Variants in ADARB2 observed in about 807,000 individuals in gnomAD.
ADARB2 encodes the protein inactive double-stranded RNA-specific editase B2.
In ADARB2, 25 loss-of-function variants were observed where a neutral mutation model predicts 62.2. The observed-to-expected ratio is 0.40, with a 90% CI of 0.29 to 0.56. The LOEUF is 0.56. Among genes scored for constraint, ADARB2 ranks in the 20% least tolerant of loss-of-function variants. ADARB2 has a pLI of 0.43. For synonymous variants in ADARB2, 572 were observed against 500.8 expected (o/e 1.14, Z -1.90); for missense variants, 1,071 against 1,077.4 (o/e 0.99, Z 0.08).
At chr10:1,722,546 C>T (rs1835105834) in intron 1 of ADARB2, among the ~76,000 whole-genome samples, 1 of 152,212 alleles carries the variant, frequency 6.6e-6, no homozygotes, top group South Asian at 2.1e-4. Context: ...ACCTGATAAG[C>T]ACACTTTGTA....
intron 1 of ADARB2, among the ~76,000 whole-genome samples, chr10:1,566,031 G>A (rs1281135643): frequency 7.6e-6 from 1 of 131,068 alleles, no homozygotes; most frequent in Non-Finnish European, 1.6e-5. Flanking sequence ...TTTTCTCATC[G>A]TTACTTCTCC....
chr10:1,678,287 C>T, intron 1 of ADARB2: 2 of 985,228 alleles, frequency 2.0e-6, no homozygotes, highest in Non-Finnish European at 2.4e-6. Flanking sequence ...GGGTGAGCGT[C>T]CTCGGGGTGA....
intron 1 of ADARB2, among the ~76,000 whole-genome samples, chr10:1,592,028 G>T (rs1202707027): frequency 6.6e-6 from 1 of 152,192 alleles, no homozygotes; most frequent in Non-Finnish European, 1.5e-5. Flanking sequence ...CTGGTACATG[G>T]GCTTTTTACA....
chr10:1,582,317 C>G (rs894048685), intron 1 of ADARB2, among the ~76,000 whole-genome samples: 5 of 152,158 alleles, frequency 3.3e-5, no homozygotes, highest in Non-Finnish European at 7.4e-5. Flanking sequence ...CATGCTCAGT[C>G]TCAGGGCCCC....
chr10:1,378,785 A>G (rs1376970654), intron 2 of ADARB2, among the ~76,000 whole-genome samples: 1 of 152,164 alleles, frequency 6.6e-6, no homozygotes, highest in Non-Finnish European at 1.5e-5. Flanking sequence ...CCAGGTAAGG[A>G]TAGGACCTCA....
In ADARB2 at chr10:1,363,546, T is replaced by C. The variant is rs755935666; in HGVS notation, c.559A>G (p.Arg187Gly). 8.3e-6 allele frequency: 13 copies of C among 1,563,706 alleles called. No homozygotes were observed. The highest frequency in any genetic ancestry group is 1.4e-5 in the African/African-American group (1 of 71,118). ...AKMRAAELAL[R>G]SFVQFPNACQ... ...GCGTTGGGGAACTGCACGAAGGACC[T>C]GAGTGCCAGCTCCGCCGCGCGCATC... The change falls in exon 3 of 10, where the codon AGG becomes GGG. Residue 187 changes from arginine to glycine, a missense_variant. Physicochemically the swap from Arg to Gly is moderately radical, Grantham distance 125 (BLOSUM62 -2). Transcript: ENST00000381312.
intron 5 of ADARB2, among the ~76,000 whole-genome samples, chr10:1,241,445 G>A (rs1215035438): frequency 1.3e-5 from 2 of 152,236 alleles, no homozygotes; most frequent in East Asian, 3.8e-4. Context: ...TTCAAGGGAT[G>A]TGAAAGAGTA....
chr10:1,364,359 C>A (rs1176787069), intron 2 of ADARB2, among the ~76,000 whole-genome samples: 1 of 152,200 alleles, frequency 6.6e-6, no homozygotes, highest in Non-Finnish European at 1.5e-5. Context: ...GGTCCGGCCC[C>A]CAAACTCTAC....
At chr10:1,700,615 G>T (rs1217791306) in intron 1 of ADARB2, among the ~76,000 whole-genome samples, 8 of 8,218 alleles carry the variant, frequency 9.7e-4, no homozygotes, top group African/African-American at 1.1e-3. Context: ...TCCACCGGGA[G>T]ACCAGACGCT....
intron 1 of ADARB2, among the ~76,000 whole-genome samples, chr10:1,617,872 C>T (rs892984945): frequency 2.0e-5 from 3 of 152,368 alleles, no homozygotes; most frequent in Middle Eastern, 3.4e-3. Context: ...GGTTAGTTTT[C>T]CTTCCAGTCT....
chr10:1,205,039 G>T (rs1837033914), intron 7 of ADARB2, among the ~76,000 whole-genome samples: 1 of 152,120 alleles, frequency 6.6e-6, no homozygotes, highest in African/African-American at 2.4e-5. Context: ...TGCCACCTGG[G>T]ACTGGGTCCC....
intron 1 of ADARB2, among the ~76,000 whole-genome samples, chr10:1,469,171 T>C (rs1468977268): frequency 6.7e-6 from 1 of 149,860 alleles, no homozygotes; most frequent in East Asian, 2.1e-4. Context: ...GATGGGAACG[T>C]TGGACTGGGT....
chr10:1,510,156 C>CTTTCTTTCTTTCTTTCTTTCTT (rs1588282717), intron 1 of ADARB2, among the ~76,000 whole-genome samples: 4 of 109,164 alleles, frequency 3.7e-5, no homozygotes, highest in South Asian at 2.9e-4. Flanking sequence ...TTCTTTCTTT[C>CTTTCTTTCTTTCTTTCTTTCTT]TTTCTTTCTT....
At chr10:1,420,934 G>A (rs781276639) in intron 1 of ADARB2, among the ~76,000 whole-genome samples, 1 of 152,076 alleles carries the variant, frequency 6.6e-6, no homozygotes, top group Non-Finnish European at 1.5e-5. Flanking sequence ...CAATGAAAGC[G>A]AAATGTTCCT....
At chr10:1,388,721 AC>A (rs1424474620) in intron 1 of ADARB2, among the ~76,000 whole-genome samples, 17 of 152,188 alleles carry the variant, frequency 1.1e-4, no homozygotes, top group Non-Finnish European at 2.4e-4. Context: ...GTTTAAAAAG[AC>A]CTCAATAAAT....
chr10:1,591,655 G>GCATGCACA (rs1554774077), intron 1 of ADARB2, among the ~76,000 whole-genome samples: 5 of 86,920 alleles, frequency 5.8e-5, no homozygotes, highest in African/African-American at 7.1e-5. Flanking sequence ...ACAGAGGCGT[G>GCATGCACA]CACGCACACA....
intron 8 of ADARB2, 59 bp downstream of exon 8, chr10:1,199,907 C>T (rs1229657957): frequency 7.6e-6 from 11 of 1,443,254 alleles, no homozygotes; most frequent in African/African-American, 2.8e-5. Flanking sequence ...GCCGGGCACA[C>T]CTGTGTCTGG....
chr10:1,558,370 C>T (rs112618454), intron 1 of ADARB2, among the ~76,000 whole-genome samples: 1,651 of 126,150 alleles, frequency 0.013, 36 homozygotes, highest in African/African-American at 0.047. Flanking sequence ...GCTCAGCCCC[C>T]GCATGCTCCA....
rs369355567 is a variant in ADARB2, at chr10:1,712,811, G to A, written c.100+24240C>T. 4.0e-5 allele frequency among the ~76,000 whole-genome samples: 6 copies of A among 151,888 alleles called. No individual in the cohort carries two copies. The East Asian group carries it at 9.7e-4, about 25-fold the overall frequency. On this transcript the variant is annotated intron_variant, in intron 1 of 9. Transcript: ENST00000381312. Reference sequence around the variant, plus strand: ...TTTTTAGTAGAGACAGGGTTTCACCGTGTTAGTCAGGATGGTCTTAATCTC... The same window carrying A: ...TTTTTAGTAGAGACAGGGTTTCACCATGTTAGTCAGGATGGTCTTAATCTC...
Sources: allele counts gnomAD v4.1 joint callset (sites outside exome capture counted in the v4.1 genomes callset), GRCh38; gene constraint gnomAD v4.1.1; transcripts MANE v1.5; gene names NCBI Gene and HGNC (gene_info 2026-07-23, HGNC 2026-07-21).